The following SCHIP1 variants were observed in gnomAD, a reference collection of about 807,000 sequenced individuals.
SCHIP1 encodes schwannomin-interacting protein 1.
Under a neutral mutation model 29.7 loss-of-function variants are expected in SCHIP1, and 8 were observed. The ratio of observed to expected loss-of-function variants is 0.27; its 90% CI spans 0.16 to 0.49. The LOEUF (loss-of-function observed/expected upper bound fraction) is 0.49, where lower values mean the gene tolerates loss of function less well. SCHIP1 is among the 20% of genes least tolerant of loss of function. The pLI is 0.99. For missense variants in SCHIP1, 193 were observed against 294.6 expected (o/e 0.66, Z 2.52); for synonymous variants, 76 against 94.9 (o/e 0.80, Z 1.16).
the SCHIP1 span, among the ~76,000 whole-genome samples, chr3:159,564,705 A>G: frequency 3.3e-5 from 5 of 152,200 alleles, no homozygotes; most frequent in East Asian, 9.7e-4. Flanking sequence ...ACTGTAGATT[A>G]TTTTTGCCTG....
the SCHIP1 span, among the ~76,000 whole-genome samples, chr3:159,616,227 T>C: frequency 1.3e-5 from 2 of 152,190 alleles, no homozygotes; most frequent in African/African-American, 2.4e-5. Context: ...GCCTCCTGAG[T>C]AGTTGGGATT....
chr3:159,370,396 A>G, the SCHIP1 span, among the ~76,000 whole-genome samples: 2 of 152,196 alleles, frequency 1.3e-5, no homozygotes, highest in African/African-American at 2.4e-5. Context: ...GCCCTATCCC[A>G]ACATTTCTTA....
At chr3:159,699,745 A>G in the SCHIP1 span, among the ~76,000 whole-genome samples, 1 of 152,182 alleles carries the variant, frequency 6.6e-6, no homozygotes, top group Non-Finnish European at 1.5e-5. Context: ...TTATGTGAAA[A>G]TTCTCCTTCA....
At chr3:159,514,845 T>C in the SCHIP1 span, among the ~76,000 whole-genome samples, 15 of 152,128 alleles carry the variant, frequency 9.9e-5, no homozygotes, top group African/African-American at 3.4e-4. Flanking sequence ...CCTTACTATT[T>C]CCAAAACAGA....
the SCHIP1 span, among the ~76,000 whole-genome samples, chr3:159,717,917 G>A: frequency 1.3e-5 from 2 of 152,060 alleles, no homozygotes. Flanking sequence ...GCCTGGCAGA[G>A]ACACAACAAA....
chr3:159,362,243 T>C, the SCHIP1 span, among the ~76,000 whole-genome samples: 1,418 of 152,304 alleles, frequency 9.3e-3, 23 homozygotes, highest in African/African-American at 0.033. Context: ...GCCAACTCTG[T>C]CAAATGGTGA....
At chr3:159,276,409 A>G in the SCHIP1 span, among the ~76,000 whole-genome samples, 52 of 152,294 alleles carry the variant, frequency 3.4e-4, no homozygotes, top group Non-Finnish European at 6.5e-4. Flanking sequence ...TAACACTACA[A>G]GGGGCACAGT....
chr3:159,680,724 A>AT, the SCHIP1 span, among the ~76,000 whole-genome samples: 45 of 72,966 alleles, frequency 6.2e-4, 3 homozygotes, highest in South Asian at 4.5e-3. Context: ...ATATATGTAT[A>AT]TATATAATAT....
At chr3:159,698,120 C>T in the SCHIP1 span, among the ~76,000 whole-genome samples, 1 of 152,346 alleles carries the variant, frequency 6.6e-6, no homozygotes, top group East Asian at 1.9e-4. Context: ...GGCAACAAAA[C>T]TCTTCTTGTG....
the SCHIP1 span, among the ~76,000 whole-genome samples, chr3:159,828,431 GTA>G: frequency 1.9e-5 from 1 of 53,322 alleles, no homozygotes; most frequent in African/African-American, 6.2e-5. Context: ...ATATATATAC[GTA>G]TATATACGTA....
chr3:159,510,741 C>G, the SCHIP1 span, among the ~76,000 whole-genome samples: 1 of 151,670 alleles, frequency 6.6e-6, no homozygotes, highest in Non-Finnish European at 1.5e-5. Flanking sequence ...CACTCCAGAC[C>G]CTGTTTGCCT....
At chr3:159,764,670 C>T in the SCHIP1 span, 2 of 1,592,014 alleles carry the variant, frequency 1.3e-6, no homozygotes, top group South Asian at 1.1e-5. This position sits in a 1 kb window ranked among gnomAD's most constrained non-coding sequence, Gnocchi z 6.1. Context: ...CGGAGGAGGA[C>T]GGGGAGGAGG....
chr3:159,832,532 A>G, the SCHIP1 span, among the ~76,000 whole-genome samples: 1 of 152,110 alleles, frequency 6.6e-6, no homozygotes, highest in South Asian at 2.1e-4. Context: ...CAGACCCTCA[A>G]CTTCTTAGCC....
chr3:159,637,371 C>CCCCA, the SCHIP1 span, among the ~76,000 whole-genome samples: 1 of 134,576 alleles, frequency 7.4e-6, no homozygotes, highest in Non-Finnish European at 1.6e-5. Flanking sequence ...CCGGCCCCAG[C>CCCCA]CACACACACA....
the SCHIP1 span, among the ~76,000 whole-genome samples, chr3:159,608,182 C>G: frequency 6.6e-6 from 1 of 152,174 alleles, no homozygotes; most frequent in East Asian, 1.9e-4. Context: ...GATGATGTAT[C>G]TGCTATTGGT....
the SCHIP1 span, among the ~76,000 whole-genome samples, chr3:159,382,973 ATTTG>A: frequency 2.7e-5 from 4 of 149,150 alleles, no homozygotes; most frequent in African/African-American, 9.9e-5. Context: ...TTTCTTGTAA[ATTTG>A]TTTGAGTTCA....
At chr3:159,497,345 G>T in the SCHIP1 span, among the ~76,000 whole-genome samples, 1 of 151,912 alleles carries the variant, frequency 6.6e-6, no homozygotes, top group African/African-American at 2.4e-5. Flanking sequence ...AAAGACCCTT[G>T]ATAAATGTTC....
At chr3:159,798,872 T>A in the SCHIP1 span, among the ~76,000 whole-genome samples, 1 of 152,228 alleles carries the variant, frequency 6.6e-6, no homozygotes, top group Non-Finnish European at 1.5e-5. Flanking sequence ...AACACATTAC[T>A]AAATCTGAGC....
chr3:159,543,863 A>T, the SCHIP1 span, among the ~76,000 whole-genome samples: 1 of 152,140 alleles, frequency 6.6e-6, no homozygotes, highest in Non-Finnish European at 1.5e-5. Flanking sequence ...ATTTCTCCAC[A>T]TCCTCTCCAG....
Sources: allele counts gnomAD v4.1 joint callset (sites outside exome capture counted in the v4.1 genomes callset), GRCh38; gene constraint gnomAD v4.1.1; non-coding constraint Gnocchi (gnomAD v3.1); transcripts MANE v1.5; gene names NCBI Gene and HGNC (gene_info 2026-07-23, HGNC 2026-07-21).